DDHD1: variants seen among roughly 807,000 people sequenced by gnomAD.
The protein encoded by DDHD1 is DDHD domain containing 1.
Under a neutral mutation model 96.4 loss-of-function variants are expected in DDHD1, and 49 were observed. That is an observed-to-expected ratio of 0.51 (90% CI 0.40 to 0.64). DDHD1 has a LOEUF of 0.64. DDHD1 is among the 30% of genes least tolerant of loss of function. DDHD1 has a pLI of 0.00. For missense variants in DDHD1, 1,106 were observed against 1,161.2 expected (o/e 0.95, Z 0.69); for synonymous variants, 442 against 446.5 (o/e 0.99, Z 0.13).
chr14:53,109,371 C>T (rs1260090006), intron 1 of DDHD1, among the ~76,000 whole-genome samples: 1 of 152,084 alleles, frequency 6.6e-6, no homozygotes, highest in African/African-American at 2.4e-5. Context: ...GGTGATGTTG[C>T]CTGTGGTTTA....
At chr14:53,061,051 C>T (rs1229286086) in intron 8 of DDHD1, 75 bp downstream of exon 8, 5 of 1,279,056 alleles carry the variant, frequency 3.9e-6, no homozygotes, top group Non-Finnish European at 5.5e-6. Flanking sequence ...TCATTTGAAT[C>T]CTAAAGGCAT....
intron 2 of DDHD1, among the ~76,000 whole-genome samples, chr14:53,097,622 G>T (rs1886981964): frequency 6.6e-6 from 1 of 151,928 alleles, no homozygotes; most frequent in Non-Finnish European, 1.5e-5. Flanking sequence ...AGACTTTACT[G>T]CTTGAAACAA....
At chr14:53,130,650 C>T (rs1889801264) in intron 1 of DDHD1, among the ~76,000 whole-genome samples, 1 of 152,208 alleles carries the variant, frequency 6.6e-6, no homozygotes, top group Non-Finnish European at 1.5e-5. Context: ...TCCAGGACCT[C>T]CTCCCCCAGG....
chr14:53,124,251 A>T (rs997615393), intron 1 of DDHD1, among the ~76,000 whole-genome samples: 4 of 149,800 alleles, frequency 2.7e-5, no homozygotes, highest in Admixed American at 6.7e-5. Context: ...AAAAAAAATT[A>T]TATATATATA....
chr14:53,103,132 A>G, intron 2 of DDHD1: 5 of 1,411,478 alleles, frequency 3.5e-6, no homozygotes, highest in Non-Finnish European at 4.9e-6. Context: ...CACACAATGA[A>G]AATGTGGCAA....
intron 11 of DDHD1, chr14:53,052,779 A>G (rs990740370): frequency 1.3e-5 from 2 of 151,944 alleles, no homozygotes; most frequent in African/African-American, 4.8e-5. Context: ...TAAGACTCAT[A>G]ATTACCTCAT....
intron 2 of DDHD1, among the ~76,000 whole-genome samples, chr14:53,099,338 T>TC (rs917814022): frequency 2.6e-5 from 4 of 152,216 alleles, no homozygotes; most frequent in Non-Finnish European, 5.9e-5. Flanking sequence ...CTCTAGTTTT[T>TC]CCACTAGTAT....
At chr14:53,099,065 G>A (rs1371404610) in intron 2 of DDHD1, among the ~76,000 whole-genome samples, 2 of 151,572 alleles carry the variant, frequency 1.3e-5, no homozygotes, top group African/African-American at 4.8e-5. Flanking sequence ...TTGTATCTCT[G>A]TTCCTTTTTC....
rs149119051 is a variant in DDHD1, at chr14:53,120,247, G to A, written c.839-16391C>T. Among the ~76,000 whole-genome samples, 41 of 152,164 alleles carry A rather than the reference G, an allele frequency of 2.7e-4. No homozygotes were observed. The East Asian group carries it at 5.2e-3, about 19-fold the overall frequency. On this transcript the variant is annotated intron_variant, in intron 1 of 12. Transcript: ENST00000673822. Reference sequence around the variant, plus strand: ...TCTAGGAATACAACTTACAAGGGACGTGAAGGACGTCTTCAAGACGAACTA... The same window carrying A: ...TCTAGGAATACAACTTACAAGGGACATGAAGGACGTCTTCAAGACGAACTA...
chr14:53,096,818 T>G (rs1321707391), intron 2 of DDHD1, among the ~76,000 whole-genome samples: 1 of 151,954 alleles, frequency 6.6e-6, no homozygotes, highest in Non-Finnish European at 1.5e-5. Context: ...AAAATCAAAC[T>G]GGAAGCTCTG....
In DDHD1 at chr14:53,058,936, C is replaced by T. The variant is rs531614692; in HGVS notation, c.1843-310G>A. Among the ~76,000 whole-genome samples, 13 of 152,218 alleles carry T rather than the reference C, an allele frequency of 8.5e-5. No homozygotes were observed. The South Asian group carries it at 2.7e-3, about 32-fold the overall frequency. On this transcript the variant is annotated intron_variant, in intron 8 of 12. Coordinates refer to ENST00000673822, the MANE Select transcript of DDHD1 (RefSeq NM_001160148.2). ...AGGTACTACTTTGTGTGAAGTAATA[C>T]ACTCGGTGCTGTGATAGATATAAAG...
In DDHD1 at chr14:53,042,855, A is replaced by G. The variant is rs1881748135; in HGVS notation, c.*3913T>C. 1 of 152,294 alleles carries G rather than the reference A, an allele frequency of 6.6e-6. No individual in the cohort carries two copies. The highest frequency in any genetic ancestry group is 1.9e-4 in the East Asian group (1 of 5,186). The allele number at this position is 152,294 out of a possible 1,614,324, so 9.4% of individuals were successfully genotyped here. On this transcript the variant is annotated 3_prime_UTR_variant, in exon 13 of 13. Transcript: ENST00000673822. ...CTACGTTCTTTTTTGCTCTGCCTTG[A>G]TCTTTAATATTTTACGTGTTTTTAG... is the stretch of plus-strand genomic sequence containing the variant.
rs1241063676 is a variant in DDHD1 at position 53,041,321 on chromosome 14, C to G, written c.*5447G>C. 1.3e-5 allele frequency: 2 copies of G among 152,098 alleles called. No homozygotes were observed. Among genetic ancestry groups the G allele is most frequent in the Non-Finnish European group, 2.9e-5 (2 of 68,020 alleles). 9.4% of individuals were successfully genotyped at this position (152,098 alleles called of 1,614,324 possible). A position where few individuals can be genotyped will look rare whatever the true frequency, so the allele number is the denominator to read the frequency against. ...AAGCATGCACCCGCCCTTATACAAA[C>G]ACAAAGGCAGAGGAAAAGTTCACCC... On this transcript the variant is annotated 3_prime_UTR_variant, in exon 13 of 13. Coordinates refer to ENST00000673822, the MANE Select transcript of DDHD1 (RefSeq NM_001160148.2).
chr14:53,116,972 C>T (rs1341675927), intron 1 of DDHD1, among the ~76,000 whole-genome samples: 1 of 151,670 alleles, frequency 6.6e-6, no homozygotes, highest in Non-Finnish European at 1.5e-5. Flanking sequence ...GCTAGCTAGA[C>T]TAATAAAGAA....
intron 1 of DDHD1, among the ~76,000 whole-genome samples, chr14:53,129,933 G>C (rs1029109545): frequency 6.6e-6 from 1 of 152,182 alleles, no homozygotes; most frequent in Non-Finnish European, 1.5e-5. Flanking sequence ...CGACGTCCAG[G>C]CATTCTTTTA....
In DDHD1 at chr14:53,152,799, C is replaced by A. The variant is rs764049438; in HGVS notation, c.300G>T (p.Leu100=). ...DFSSAESGSS[L]RYYSEGESGG... is the part of the protein sequence containing the mutation. ...CGCTCTCACCCTCGCTGTAGTAGCG[C>A]AGCGAGGAGCCCGACTCGGCGGAGC... Residue 100 remains leucine (L), a synonymous_variant, in exon 1 of 13, where the codon CTG becomes CTT. Transcript: ENST00000673822. The A allele has an allele frequency of 2.7e-5, 43 of 1,608,214 alleles. No homozygotes were observed. The highest frequency in any genetic ancestry group is 5.0e-5 in the Admixed American group (3 of 59,610).
At chr14:53,129,983 C>T (rs1889745430) in intron 1 of DDHD1, among the ~76,000 whole-genome samples, 1 of 152,184 alleles carries the variant, frequency 6.6e-6, no homozygotes, top group African/African-American at 2.4e-5. Flanking sequence ...CAATGCGACT[C>T]GTCGCAAATC....
At chr14:53,088,988 T>C (rs1029336447) in intron 4 of DDHD1, among the ~76,000 whole-genome samples, 1 of 152,138 alleles carries the variant, frequency 6.6e-6, no homozygotes, top group Non-Finnish European at 1.5e-5. Context: ...GGATACAAAA[T>C]CGATGTGCAA....
intron 1 of DDHD1, 147 bp downstream of exon 1, chr14:53,152,113 GC>G: frequency 1.9e-5 from 16 of 833,680 alleles, no homozygotes; most frequent in East Asian, 8.4e-5. Flanking sequence ...AGCTGCCGAC[GC>G]TCCCTGCTCA....
Sources: allele counts gnomAD v4.1 joint callset (sites outside exome capture counted in the v4.1 genomes callset), GRCh38; gene constraint gnomAD v4.1.1; transcripts MANE v1.5; gene names NCBI Gene and HGNC (gene_info 2026-07-23, HGNC 2026-07-21).